Variants in ESRRG observed in about 807,000 individuals in gnomAD.
ESRRG encodes the protein estrogen-related receptor gamma.
Under a neutral mutation model 44.0 loss-of-function variants are expected in ESRRG, and 13 were observed. The observed-to-expected ratio is 0.30, with a 90% CI of 0.19 to 0.47. The LOEUF (loss-of-function observed/expected upper bound fraction) is 0.47, where lower values mean the gene tolerates loss of function less well. ESRRG is among the 20% of genes least tolerant of loss of function. The probability of loss-of-function intolerance (pLI) is 1.00; values close to 1 mark genes in which losing one functional copy is unlikely to be tolerated. For missense variants in ESRRG, 395 were observed against 580.6 expected, an observed-to-expected ratio of 0.68 and a Z score of 3.29; for synonymous variants, 215 against 214.6, an observed-to-expected ratio of 1.00 and a Z score of -0.02.
chr1:216,667,174 G>A (rs12047925), intron 2 of ESRRG, among the ~76,000 whole-genome samples: 75,795 of 151,904 alleles, frequency 0.5, 19,320 homozygotes, highest in South Asian at 0.62. Flanking sequence ...AGATCTATAG[G>A]GAATTGATTT....
chr1:216,820,627 A>C (rs2095265630), intron 2 of ESRRG, among the ~76,000 whole-genome samples: 2 of 152,216 alleles, frequency 1.3e-5, no homozygotes, highest in Non-Finnish European at 2.9e-5. Context: ...AACCCACAGC[A>C]GGTGGTTCAG....
chr1:217,057,570 G>GAT (rs2087395740), intron 1 of ESRRG, among the ~76,000 whole-genome samples: 2 of 151,906 alleles, frequency 1.3e-5, no homozygotes, highest in African/African-American at 4.8e-5. Flanking sequence ...TGAAAAAAAT[G>GAT]ATTATAAATA....
intron 1 of ESRRG, among the ~76,000 whole-genome samples, chr1:216,991,813 A>G (rs17041530): frequency 0.17 from 25,607 of 152,164 alleles, 2,875 homozygotes; most frequent in Admixed American, 0.29. Context: ...AATGTAAACT[A>G]TACATTCTGC....
At chr1:216,806,396 T>C (rs1434267765) in intron 2 of ESRRG, among the ~76,000 whole-genome samples, 1 of 152,178 alleles carries the variant, frequency 6.6e-6, no homozygotes, top group Non-Finnish European at 1.5e-5. Context: ...ACAGAATACA[T>C]AATTAGCTTG....
chr1:216,569,187 G>A (rs1029382351), intron 3 of ESRRG, among the ~76,000 whole-genome samples: 1 of 109,090 alleles, frequency 9.2e-6, no homozygotes, highest in Non-Finnish European at 2.0e-5. Flanking sequence ...GAAGGGAAGG[G>A]AAGGGAAAGG....
Position 216,872,851 on chromosome 1 carries a change from T to G in ESRRG, c.-14+66731A>C, listed in dbSNP as rs531180031. On this transcript the variant is annotated intron_variant, in intron 2 of 7. Coordinates refer to the ESRRG transcript ENST00000359162. ...ATGTAGGTTGAAATTTTTCTGGTTT[T>G]TCTTAGGCCAAATAATTTTAGATAG... Among the ~76,000 whole-genome samples the G allele has an allele frequency of 2.4e-3, 372 of 152,316 alleles. 1 individual carries two copies. The highest frequency in any genetic ancestry group is 6.8e-3 in the Middle Eastern group (2 of 294).
rs1465453383 is a variant in ESRRG at position 216,506,409 on chromosome 1, G to A, written c.*530C>T. The A allele has an allele frequency of 6.5e-6, 2 of 307,452 alleles. No individual in the cohort carries two copies. Among genetic ancestry groups the A allele is most frequent in the Admixed American group, 8.6e-5 (2 of 23,210 alleles). The allele number at this position is 307,452 out of a possible 1,614,324, so 19.0% of individuals were successfully genotyped here. A position where few individuals can be genotyped will look rare whatever the true frequency, so the allele number is the denominator to read the frequency against. On this transcript the variant is annotated 3_prime_UTR_variant, in exon 7 of 7. Transcript: ENST00000408911. ...AGAGACCTCTTTTAAAAGTTCAGCA[G>A]CAGAAGGAAGAAAAAGAAAGATGGA...
At chr1:216,774,558 T>C (rs1429535102) in intron 2 of ESRRG, among the ~76,000 whole-genome samples, 1 of 152,126 alleles carries the variant, frequency 6.6e-6, no homozygotes, top group Non-Finnish European at 1.5e-5. Context: ...CCTTCAAATA[T>C]ACCACTGCGT....
intron 5 of ESRRG, among the ~76,000 whole-genome samples, chr1:216,553,278 C>T (rs1343714380): frequency 2.6e-5 from 4 of 152,122 alleles, no homozygotes; most frequent in African/African-American, 9.7e-5. Context: ...TAATCCTTTC[C>T]TAATGTAGGT....
chr1:216,950,296 A>T (rs989463830), intron 1 of ESRRG, among the ~76,000 whole-genome samples: 2 of 152,220 alleles, frequency 1.3e-5, no homozygotes, highest in African/African-American at 2.4e-5. Flanking sequence ...AATGAACTCA[A>T]AACTTAATAT....
intron 1 of ESRRG, among the ~76,000 whole-genome samples, chr1:217,012,319 CA>C (rs1238523544): frequency 1.1e-4 from 17 of 152,062 alleles, no homozygotes; most frequent in African/African-American, 4.1e-4. Context: ...AAGAGGTATG[CA>C]ATCAATATCT....
At chr1:216,702,985 T>G (rs2081718687) in intron 1 of ESRRG, among the ~76,000 whole-genome samples, 1 of 152,034 alleles carries the variant, frequency 6.6e-6, no homozygotes, top group Non-Finnish European at 1.5e-5. Context: ...AAAAAAATAA[T>G]AATAAATCAG....
At chr1:216,895,905 C>A (rs2058360558) in intron 2 of ESRRG, among the ~76,000 whole-genome samples, 1 of 152,066 alleles carries the variant, frequency 6.6e-6, no homozygotes, top group Admixed American at 6.6e-5. Context: ...CAGAACTTAA[C>A]CATAAAAGAC....
chr1:216,545,579 C>T (rs1371616621), intron 5 of ESRRG, among the ~76,000 whole-genome samples: 1 of 151,930 alleles, frequency 6.6e-6, no homozygotes, highest in Admixed American at 6.6e-5. Flanking sequence ...ACATTTATCA[C>T]TTGTTTATAA....
chr1:216,508,763 C>T (rs542289410), intron 6 of ESRRG, among the ~76,000 whole-genome samples: 1 of 152,280 alleles, frequency 6.6e-6, no homozygotes, highest in African/African-American at 2.4e-5. Context: ...TATTCTTTCT[C>T]TCTATTTTTG....
chr1:216,955,588 T>G (rs2067800338), intron 1 of ESRRG, among the ~76,000 whole-genome samples: 1 of 152,112 alleles, frequency 6.6e-6, no homozygotes, highest in African/African-American at 2.4e-5. Context: ...ACACAGTAGT[T>G]CTATTTTTAG....
At chr1:216,687,927 AG>A (rs2078323885) in intron 1 of ESRRG, among the ~76,000 whole-genome samples, 2 of 152,304 alleles carry the variant, frequency 1.3e-5, no homozygotes, top group South Asian at 4.1e-4. Flanking sequence ...ATCACATCAA[AG>A]TCCTTCTCCT....
intron 2 of ESRRG, among the ~76,000 whole-genome samples, chr1:216,833,407 CT>C (rs1218781886): frequency 1.3e-5 from 2 of 151,986 alleles, no homozygotes; most frequent in Non-Finnish European, 2.9e-5. Flanking sequence ...CTAGCATTAG[CT>C]ACAATTTCCT....
intron 5 of ESRRG, among the ~76,000 whole-genome samples, chr1:216,556,968 T>C (rs1031018621): frequency 2.6e-5 from 4 of 152,180 alleles, no homozygotes; most frequent in African/African-American, 9.6e-5. Flanking sequence ...ATTTTTTATA[T>C]GGTCAAGTCT....
Sources: gnomAD v4.1 joint callset for allele counts (sites outside exome capture counted in the v4.1 genomes callset) on GRCh38, gnomAD v4.1.1 for gene constraint, MANE v1.5 for transcripts, NCBI Gene and HGNC (gene_info 2026-07-23, HGNC 2026-07-21) for gene names.